GPC5: variants seen among roughly 807,000 people sequenced by gnomAD.
GPC5 encodes the protein glypican 5, also known as glypican-5.
Under a neutral mutation model 53.9 loss-of-function variants are expected in GPC5, and 47 were observed. The observed-to-expected ratio is 0.87, with a 90% CI of 0.69 to 1.11. The LOEUF (loss-of-function observed/expected upper bound fraction) is 1.11, where lower values mean the gene tolerates loss of function less well. GPC5 is among the 50% of genes most tolerant of loss of function. The probability of loss-of-function intolerance (pLI) is 0.00; values close to 1 mark genes in which losing one functional copy is unlikely to be tolerated. For synonymous variants in GPC5, 286 were observed against 263.3 expected (o/e 1.09, Z -0.84); for missense variants, 748 against 713.1 (o/e 1.05, Z -0.56).
At chr13:91,609,262 C>T (rs1015839800) in intron 2 of GPC5, among the ~76,000 whole-genome samples, 13 of 151,666 alleles carry the variant, frequency 8.6e-5, no homozygotes, top group Non-Finnish European at 1.2e-4. Flanking sequence ...CTCTGAGAGC[C>T]GGGAGTGGTG....
intron 7 of GPC5, among the ~76,000 whole-genome samples, chr13:92,348,644 A>G (rs1230306935): frequency 1.3e-5 from 2 of 152,166 alleles, no homozygotes; most frequent in Admixed American, 1.3e-4. Flanking sequence ...TCAAGCACAC[A>G]GAGAACATTC....
intron 7 of GPC5, among the ~76,000 whole-genome samples, chr13:92,430,269 T>C (rs1877028350): frequency 6.6e-6 from 1 of 152,172 alleles, no homozygotes; most frequent in African/African-American, 2.4e-5. Context: ...AATGTATATG[T>C]GCTAAAGTTA....
intron 7 of GPC5, among the ~76,000 whole-genome samples, chr13:92,369,438 A>G (rs2043632921): frequency 6.6e-6 from 1 of 152,214 alleles, no homozygotes; most frequent in South Asian, 2.1e-4. Context: ...AGGGCCTCCC[A>G]AAGTGTGAGA....
chr13:91,661,282 C>T (rs1003473412), intron 2 of GPC5, among the ~76,000 whole-genome samples: 1 of 152,178 alleles, frequency 6.6e-6, no homozygotes, highest in Non-Finnish European at 1.5e-5. Context: ...ACTATTTGAG[C>T]AGAATATCTG....
intron 7 of GPC5, among the ~76,000 whole-genome samples, chr13:92,679,599 T>G (rs1376102011): frequency 6.6e-6 from 1 of 152,164 alleles, no homozygotes. Context: ...GCAGACAGAT[T>G]TTACTCTGAG....
At chr13:92,513,503 T>TCTTA (rs1490547617) in intron 7 of GPC5, among the ~76,000 whole-genome samples, 1 of 148,624 alleles carries the variant, frequency 6.7e-6, no homozygotes, top group African/African-American at 2.5e-5. Flanking sequence ...ATATAAGACA[T>TCTTA]CTTTCTTTCT....
intron 7 of GPC5, among the ~76,000 whole-genome samples, chr13:92,168,854 A>G (rs553701659): frequency 6.6e-6 from 1 of 152,198 alleles, no homozygotes; most frequent in Non-Finnish European, 1.5e-5. Context: ...AGGAATATAA[A>G]TCATTCTATT....
chr13:91,557,261 G>C (rs1342006682), intron 2 of GPC5, among the ~76,000 whole-genome samples: 2 of 152,110 alleles, frequency 1.3e-5, no homozygotes, highest in African/African-American at 4.8e-5. Context: ...GTTGTGTACT[G>C]ATATTGCATT....
At chr13:91,727,161 C>G (rs61966953) in intron 3 of GPC5, among the ~76,000 whole-genome samples, 302 of 152,284 alleles carry the variant, frequency 2.0e-3, no homozygotes, top group Non-Finnish European at 3.1e-3. Context: ...ATGCCTTATT[C>G]AGATTTGTAT....
intron 6 of GPC5, among the ~76,000 whole-genome samples, chr13:92,115,403 G>T: frequency 6.6e-6 from 1 of 152,274 alleles, no homozygotes; most frequent in Middle Eastern, 3.4e-3. Flanking sequence ...CTACTGGGAA[G>T]GTTGAAGCAG....
chr13:92,003,286 A>T (rs2040572829), intron 6 of GPC5, among the ~76,000 whole-genome samples: 1 of 146,798 alleles, frequency 6.8e-6, no homozygotes. Flanking sequence ...GCACCACTGC[A>T]CCCCAGCCTG....
chr13:91,929,489 T>A (rs905228840), intron 6 of GPC5, among the ~76,000 whole-genome samples: 9 of 152,170 alleles, frequency 5.9e-5, no homozygotes, highest in Admixed American at 2.0e-4. Flanking sequence ...TACCTCCATC[T>A]TAATTTTCAA....
chr13:91,933,309 G>A (rs574168099), intron 6 of GPC5, among the ~76,000 whole-genome samples: 3 of 151,912 alleles, frequency 2.0e-5, no homozygotes, highest in African/African-American at 7.2e-5. Context: ...TGAAATCCTT[G>A]TAACCCAATT....
chr13:92,557,668 A>G (rs1345040680), intron 7 of GPC5, among the ~76,000 whole-genome samples: 1 of 151,978 alleles, frequency 6.6e-6, no homozygotes. Flanking sequence ...TGTATCAGAG[A>G]CAAGTACCAT....
chr13:92,425,330 ATCTCCCACCTCTACCC>A (rs1360731147), intron 7 of GPC5, among the ~76,000 whole-genome samples: 8 of 151,992 alleles, frequency 5.3e-5, no homozygotes, highest in South Asian at 2.1e-4. Context: ...AAAGTTTACC[ATCTCCCACCTCTACCC>A]TCTCCCACCT....
intron 7 of GPC5, among the ~76,000 whole-genome samples, chr13:92,641,621 C>T (rs1237930619): frequency 2.0e-5 from 3 of 151,994 alleles, no homozygotes; most frequent in African/African-American, 4.8e-5. Flanking sequence ...TATTTTACTT[C>T]CCAATTGGTT....
intron 2 of GPC5, among the ~76,000 whole-genome samples, chr13:91,599,013 T>A (rs1056200471): frequency 3.9e-5 from 6 of 152,162 alleles, no homozygotes; most frequent in African/African-American, 1.2e-4. Context: ...AGGTTATCTT[T>A]ACTATAATAT....
intron 5 of GPC5, among the ~76,000 whole-genome samples, chr13:91,776,456 T>G (rs2138709070): frequency 6.6e-6 from 1 of 152,328 alleles, no homozygotes; most frequent in Non-Finnish European, 1.5e-5. Context: ...ACATTACTAC[T>G]TACTTGAAGA....
At chr13:92,728,868 G>A (rs1315807319) in intron 7 of GPC5, among the ~76,000 whole-genome samples, 2 of 151,290 alleles carry the variant, frequency 1.3e-5, no homozygotes, top group African/African-American at 2.4e-5. Flanking sequence ...CAGAAACTAG[G>A]AACTGGAAAT....
Sources: gnomAD v4.1 joint callset for allele counts (sites outside exome capture counted in the v4.1 genomes callset) on GRCh38, gnomAD v4.1.1 for gene constraint, MANE v1.5 for transcripts, NCBI Gene and HGNC (gene_info 2026-07-23, HGNC 2026-07-21) for gene names.